Variants in EYS observed in about 807,000 individuals in gnomAD.
EYS encodes the protein EGF-like photoreceptor maintenance factor.
Under a neutral mutation model 282.1 loss-of-function variants are expected in EYS, and 250 were observed. The observed-to-expected ratio is 0.89, with a 90% confidence interval of 0.80 to 0.98. The LOEUF is 0.98. Ranked by LOEUF, EYS falls within the 50% of genes least tolerant of loss-of-function variation. EYS has a pLI of 0.00. For synonymous variants in EYS, 1,355 were observed against 1,282.9 expected (o/e 1.06, Z -1.20); for missense variants, 4,016 against 3,709.0 (o/e 1.08, Z -2.15).
At chr6:64,458,335 T>C (rs1211770077) in intron 26 of EYS, among the ~76,000 whole-genome samples, 4 of 152,148 alleles carry the variant, frequency 2.6e-5, no homozygotes, top group Non-Finnish European at 4.4e-5. Flanking sequence ...GAACTATCTT[T>C]AGCATTTCAT....
At chr6:64,818,545 G>A (rs1211546071) in intron 21 of EYS, among the ~76,000 whole-genome samples, 2 of 152,088 alleles carry the variant, frequency 1.3e-5, no homozygotes, top group Non-Finnish European at 2.9e-5. Flanking sequence ...TCAAAAGTAG[G>A]GAAGCCGACA....
At chr6:65,133,250 T>TA (rs1193270862) in intron 12 of EYS, among the ~76,000 whole-genome samples, 1 of 151,648 alleles carries the variant, frequency 6.6e-6, no homozygotes, top group Non-Finnish European at 1.5e-5. Flanking sequence ...AGTGCCCACA[T>TA]AACCAAGGCA....
chr6:64,922,411 A>G (rs937263659), intron 15 of EYS, among the ~76,000 whole-genome samples: 2 of 152,232 alleles, frequency 1.3e-5, no homozygotes, highest in African/African-American at 4.8e-5. Flanking sequence ...GCAAATGTAA[A>G]TGTAAAAATA....
chr6:65,391,676 C>G (rs190198135), intron 7 of EYS, among the ~76,000 whole-genome samples: 2 of 152,114 alleles, frequency 1.3e-5, no homozygotes, highest in Admixed American at 1.3e-4. Flanking sequence ...AAAGAGGATA[C>G]AAACAAATGG....
At chr6:63,933,932 A>C (rs1375872269) in intron 35 of EYS, among the ~76,000 whole-genome samples, 1 of 152,218 alleles carries the variant, frequency 6.6e-6, no homozygotes, top group East Asian at 1.9e-4. Context: ...GAGCTTCTGC[A>C]CACCAAAAGA....
At chr6:65,225,226 TAA>T (rs1766588922) in intron 12 of EYS, among the ~76,000 whole-genome samples, 1 of 150,576 alleles carries the variant, frequency 6.6e-6, no homozygotes, top group Non-Finnish European at 1.5e-5. Context: ...TCAACAAAAC[TAA>T]GTCTAAAAAC....
chr6:64,242,731 C>T (rs1050895566), intron 30 of EYS, among the ~76,000 whole-genome samples: 6 of 150,824 alleles, frequency 4.0e-5, no homozygotes, highest in Non-Finnish European at 5.9e-5. Flanking sequence ...ATATTCTATG[C>T]CTTATGATTT....
intron 2 of EYS, among the ~76,000 whole-genome samples, chr6:65,631,750 G>A (rs1766922192): frequency 1.3e-5 from 2 of 152,116 alleles, no homozygotes; most frequent in Non-Finnish European, 2.9e-5. Flanking sequence ...TGTGCCTATG[G>A]ATAATTCGAG....
intron 41 of EYS, among the ~76,000 whole-genome samples, chr6:63,740,458 G>A (rs533255365): frequency 0.011 from 1,662 of 152,288 alleles, 20 homozygotes; most frequent in African/African-American, 0.038. Flanking sequence ...AGTTCCAGGT[G>A]TGTCTTTATC....
chr6:64,779,146 T>C (rs1299135738), intron 22 of EYS, among the ~76,000 whole-genome samples: 1 of 152,140 alleles, frequency 6.6e-6, no homozygotes, highest in African/African-American at 2.4e-5. Flanking sequence ...CTTTGGAATT[T>C]ACCAAAGTAA....
chr6:65,049,696 C>A (rs1208839038), intron 13 of EYS, among the ~76,000 whole-genome samples: 1 of 151,690 alleles, frequency 6.6e-6, no homozygotes, highest in Admixed American at 6.6e-5. Flanking sequence ...CAACCCTTCT[C>A]TGTGATTTTT....
chr6:64,732,407 C>T (rs1423207203), intron 22 of EYS, among the ~76,000 whole-genome samples: 1 of 151,888 alleles, frequency 6.6e-6, no homozygotes, highest in Non-Finnish European at 1.5e-5. Context: ...TTCCTGTTAG[C>T]TCATTAATTG....
chr6:64,793,361 A>G (rs979660887), intron 22 of EYS, among the ~76,000 whole-genome samples: 5 of 152,138 alleles, frequency 3.3e-5, no homozygotes, highest in Non-Finnish European at 5.9e-5. Context: ...ACAAAATTTT[A>G]AAAATTAAGT....
At position 65,121,678 on chromosome 6, in the gene EYS, A is replaced by G. The variant is rs146212151; in HGVS notation, c.2024-63951T>C. On this transcript the variant is annotated intron_variant, in intron 12 of 42. Coordinates refer to ENST00000503581, the MANE Select transcript of EYS (RefSeq NM_001142800.2). ...TTAGCAGTGAATGGCCTAATCTACAATTACTTGCATGTTTCTTAGAACATT... is the reference window on the plus strand; with the variant it reads ...TTAGCAGTGAATGGCCTAATCTACAGTTACTTGCATGTTTCTTAGAACATT... Among the ~76,000 whole-genome samples, 213 of 152,282 alleles carry G rather than the reference A, an allele frequency of 1.4e-3. 2 individuals carry two copies. Among genetic ancestry groups the G allele is most frequent in the Middle Eastern group, 3.4e-3 (1 of 294 alleles).
intron 13 of EYS, among the ~76,000 whole-genome samples, chr6:65,022,685 A>G (rs1423926903): frequency 6.7e-6 from 1 of 148,860 alleles, no homozygotes; most frequent in Non-Finnish European, 1.5e-5. Context: ...AATATATTAT[A>G]TATTAATATA....
At chr6:64,911,033 T>C (rs1767977395) in intron 16 of EYS, among the ~76,000 whole-genome samples, 2 of 152,048 alleles carry the variant, frequency 1.3e-5, no homozygotes, top group African/African-American at 2.4e-5. Context: ...ATAATATGTT[T>C]CTTACATTCT....
chr6:65,348,799 G>T (rs1256795688), intron 9 of EYS, among the ~76,000 whole-genome samples: 1 of 151,558 alleles, frequency 6.6e-6, no homozygotes, highest in Non-Finnish European at 1.5e-5. Context: ...AGTCCAATAT[G>T]CTGGATAGTT....
At chr6:64,245,308 T>C (rs1397924954) in intron 30 of EYS, among the ~76,000 whole-genome samples, 2 of 148,606 alleles carry the variant, frequency 1.3e-5, no homozygotes, top group Non-Finnish European at 3.0e-5. Flanking sequence ...TGTTTTTGTT[T>C]TTTGTGGGTG....
At position 64,975,579 on chromosome 6, in the gene EYS, C is replaced by T. The variant is rs146443129; in HGVS notation, c.2259+22003G>A. ...AAATGAATAAATAAAGCCCTGAAGA[C>T]TCATTATTAACAAGTGACCATTTGT... On this transcript the variant is annotated intron_variant, in intron 14 of 42. Transcript: ENST00000503581. Among the ~76,000 whole-genome samples, 142 of 151,854 alleles carry T rather than the reference C, an allele frequency of 9.4e-4. 1 individual carries two copies. Among genetic ancestry groups the T allele is most frequent in the African/African-American group, 3.3e-3 (138 of 41,506 alleles).
Sources: allele counts gnomAD v4.1 joint callset (sites outside exome capture counted in the v4.1 genomes callset), GRCh38; gene constraint gnomAD v4.1.1; transcripts MANE v1.5; gene names NCBI Gene and HGNC (gene_info 2026-07-23, HGNC 2026-07-21).